The following TM7SF2 variants were observed in gnomAD, a reference collection of about 807,000 sequenced individuals.
The protein encoded by TM7SF2 is delta(14)-sterol reductase TM7SF2.
Under a neutral mutation model 51.0 loss-of-function variants are expected in TM7SF2, and 51 were observed. The observed-to-expected ratio is 1.00, with a 90% confidence interval of 0.80 to 1.26. The LOEUF (loss-of-function observed/expected upper bound fraction) is 1.26. Ranked by LOEUF, TM7SF2 falls within the 50% of genes most tolerant of loss-of-function variation. TM7SF2 has a pLI of 0.00. For synonymous variants in TM7SF2, 255 were observed against 241.0 expected (o/e 1.06, Z -0.54); for missense variants, 541 against 547.4 (o/e 0.99, Z 0.12).
Position 65,111,912 on chromosome 11 carries a change from C to G in TM7SF2, c.-104C>G. ...CCAGGCAGGTGCAGGCGCCGCGGGG[C>G]CGGATCCTCCGCGCGGCCGAGTCCA... is the stretch of plus-strand genomic sequence containing the variant. On this transcript the variant is annotated 5_prime_UTR_variant, in exon 1 of 10. Coordinates refer to ENST00000279263, the MANE Select transcript of TM7SF2 (RefSeq NM_003273.6). 1 of 1,310,856 alleles carries G rather than the reference C, an allele frequency of 7.6e-7. No individual in the cohort carries two copies. Among genetic ancestry groups the G allele is most frequent in the South Asian group, 1.3e-5 (1 of 79,074 alleles). The allele number at this position is 1,310,856 out of a possible 1,614,324, so 81.2% of individuals were successfully genotyped here.
chr11:65,114,869 C>T, intron 6 of TM7SF2, 37 bp downstream of exon 6: 1 of 1,614,134 alleles, frequency 6.2e-7, no homozygotes, highest in Non-Finnish European at 8.5e-7. Context: ...TGTCTGAGGG[C>T]CGCATAGGGA....
At position 65,114,714 on chromosome 11, in the gene TM7SF2, T is replaced by TC; in HGVS notation, c.607dup (p.Leu203ProfsTer34). Reference sequence around the variant, plus strand: ...TATTGCCTTGTTCCCTCTCCCCAGGTCCTCATCAACCTGGCCCTGTTGATG... The same window carrying TC: ...TATTGCCTTGTTCCCTCTCCCCAGGTCCCTCATCAACCTGGCCCTGTTGATG... On this transcript the variant is annotated frameshift_variant and splice_region_variant, in exon 6 of 10. Coordinates refer to ENST00000279263, the MANE Select transcript of TM7SF2 (RefSeq NM_003273.6). LOFTEE classifies it high-confidence loss of function. The TC allele has an allele frequency of 6.2e-7, 1 of 1,613,870 alleles. No homozygotes were observed. The highest frequency in any genetic ancestry group is 1.7e-5 in the Admixed American group (1 of 60,006).
chr11:65,112,380 G>C (rs1318656245), intron 1 of TM7SF2, 135 bp from the exon 2 acceptor site: 14 of 1,027,540 alleles, frequency 1.4e-5, no homozygotes, highest in Non-Finnish European at 1.9e-5. Flanking sequence ...TGGGGGCCGA[G>C]GGCTGAGGAC....
rs1438616402 is a variant in TM7SF2 at position 65,112,689 on chromosome 11, TCTAC to T, written c.232_235del (p.Leu78CysfsTer12). The T allele has an allele frequency of 5.2e-6, 8 of 1,540,460 alleles. No homozygotes were observed. The highest frequency in any genetic ancestry group is 7.0e-6 in the Non-Finnish European group (8 of 1,144,850). Reference sequence around the variant, plus strand: ...GCCTGGCTCGGCCTGCAGGCGGCGCTCTACCTACTGCCGGCGCGCAAGGTGCGGG... The same window carrying T: ...GCCTGGCTCGGCCTGCAGGCGGCGCTCTACTGCCGGCGCGCAAGGTGCGGG... On this transcript the variant is annotated frameshift_variant, in exon 2 of 10. Coordinates refer to ENST00000279263, the MANE Select transcript of TM7SF2 (RefSeq NM_003273.6). LOFTEE classifies it high-confidence loss of function.
rs1947982058 is a variant in TM7SF2 at position 65,116,152 on chromosome 11, C to A, written c.*99C>A. 1.4e-6 allele frequency: 2 copies of A among 1,431,206 alleles called. No individual in the cohort carries two copies. Among genetic ancestry groups the A allele is most frequent in the Non-Finnish European group, 1.9e-6 (2 of 1,067,674 alleles). The allele number at this position is 1,431,206 out of a possible 1,614,324, so 88.7% of individuals were successfully genotyped here. On this transcript the variant is annotated 3_prime_UTR_variant, in exon 10 of 10. Coordinates refer to ENST00000279263, the MANE Select transcript of TM7SF2 (RefSeq NM_003273.6). ...ACACTTGGGACTCAAGGGCTTGCACCCCACCCAGCCCTGAGGATGAACAAC... is the reference window on the plus strand; with the variant it reads ...ACACTTGGGACTCAAGGGCTTGCACACCACCCAGCCCTGAGGATGAACAAC...
In TM7SF2 at chr11:65,112,582, C is replaced by T; in HGVS notation, c.120C>T (p.Gly40=). Reference sequence around the variant, plus strand: ...ACCTGCTCCTGGCGGCCCGTTCGGGCCCCGCGCGCCTGCTGGGTCCACCCG... The same window carrying T: ...ACCTGCTCCTGGCGGCCCGTTCGGGTCCCGCGCGCCTGCTGGGTCCACCCG... The part of the protein sequence containing the change: ...MFHLLLAARS[G]PARLLGPPAS... The change falls in exon 2 of 10, where the codon GGC becomes GGT. Residue 40 remains glycine, a synonymous_variant. Transcript: ENST00000279263. The T allele has an allele frequency of 6.6e-7, 1 of 1,520,306 alleles. No individual in the cohort carries two copies. The highest frequency in any genetic ancestry group is 1.2e-5 in the South Asian group (1 of 82,444). 94.2% of individuals were successfully genotyped at this position (1,520,306 alleles called of 1,614,324 possible).
At position 65,114,966 on chromosome 11, in the gene TM7SF2, G is replaced by A; in HGVS notation, c.777G>A (p.Leu259=). Residue 259 remains leucine, a synonymous_variant, in exon 7 of 10, where the codon CTG becomes CTA. Coordinates refer to ENST00000279263, the MANE Select transcript of TM7SF2 (RefSeq NM_003273.6). ...DITHDGFGFM[L]AFGDMAWVPF... ...CACATGACGGGTTTGGCTTCATGCTGGCGTTTGGGGACATGGCCTGGGTGC... is the reference window on the plus strand; with the variant it reads ...CACATGACGGGTTTGGCTTCATGCTAGCGTTTGGGGACATGGCCTGGGTGC... 6.2e-7 allele frequency: 1 copy of A among 1,614,224 alleles called. No individual in the cohort carries two copies. The highest frequency in any genetic ancestry group is 8.5e-7 in the Non-Finnish European group (1 of 1,180,034).
In TM7SF2 at chr11:65,115,955, G is replaced by C. The variant is rs1947977341; in HGVS notation, c.1159G>C (p.Glu387Gln). 6.2e-7 allele frequency: 1 copy of C among 1,614,006 alleles called. No individual in the cohort carries two copies. Among genetic ancestry groups the C allele is most frequent in the Non-Finnish European group, 8.5e-7 (1 of 1,180,026 alleles). ...LYFTALLVHR[E>Q]ARDERQCLQK... is the part of the protein sequence containing the mutation. ...CTTCACCGCGCTGCTGGTGCACCGT[G>C]AGGCCCGGGATGAGCGGCAGTGCCT... Residue 387 changes from glutamate (E) to glutamine (Q), a missense_variant, in exon 10 of 10, where the codon GAG (glutamate) becomes CAG (glutamine). Physicochemically the swap from Glu to Gln is conservative, Grantham distance 29. Transcript: ENST00000279263.
intron 5 of TM7SF2, chr11:65,113,854 C>G (rs1416682556): frequency 3.8e-6 from 2 of 521,742 alleles, no homozygotes; most frequent in African/African-American, 3.8e-5. Flanking sequence ...TACAGCATGT[C>G]AGGGATGACG....
chr11:65,114,943 C>T lies in TM7SF2; in HGVS notation c.754C>T (p.His252Tyr), dbSNP rs758049533. 1 of 1,614,254 alleles carries T rather than the reference C, an allele frequency of 6.2e-7. No homozygotes were observed. The highest frequency in any genetic ancestry group is 2.2e-5 in the East Asian group (1 of 44,890). Residue 252 changes from histidine to tyrosine, a missense_variant, in exon 7 of 10, where the codon CAT becomes TAT. By Grantham distance (83) the His-to-Tyr change is moderately conservative. Coordinates refer to ENST00000279263, the MANE Select transcript of TM7SF2 (RefSeq NM_003273.6). The part of the protein sequence containing the change: ...EAVLTTMDIT[H>Y]DGFGFMLAFG... ...CGTCCTCACCACCATGGATATCACA[C>T]ATGACGGGTTTGGCTTCATGCTGGC...
In TM7SF2 at chr11:65,113,287, G is replaced by A. The variant is rs1255535008; in HGVS notation, c.372G>A (p.Gly124=). ...GLGMSAGLPL[G]ALPEMLLPLA... ...GGATGTCAGCGGGGCTGCCTCTGGG[G>A]GCGCTCCCGGAAATGCTCCTGCCCT... The change falls in exon 4 of 10, where the codon GGG becomes GGA. Residue 124 remains glycine (G), a synonymous_variant. Transcript: ENST00000279263. The A allele has an allele frequency of 1.9e-6, 3 of 1,611,168 alleles. No homozygotes were observed. Among genetic ancestry groups the A allele is most frequent in the African/African-American group, 2.7e-5 (2 of 74,926 alleles).
Position 65,113,327 on chromosome 11 carries a change from A to T in TM7SF2, c.412A>T (p.Thr138Ser). Residue 138 changes from threonine to serine, a missense_variant, in exon 4 of 10, where the codon ACC becomes TCC. Coordinates refer to ENST00000279263, the MANE Select transcript of TM7SF2 (RefSeq NM_003273.6). Reference protein sequence around the residue: ...EMLLPLAFVATLTAFIFSLFL... With the variant: ...EMLLPLAFVASLTAFIFSLFL... The stretch of plus-strand genomic sequence containing the variant: ...GCTCCTGCCCTTGGCGTTTGTCGCC[A>T]CCCTCACCGCTTTCATCTTCAGCCT... 3.7e-6 allele frequency: 6 copies of T among 1,613,684 alleles called. No homozygotes were observed. Among genetic ancestry groups the T allele is most frequent in the Non-Finnish European group, 5.1e-6 (6 of 1,179,998 alleles).
At chr11:65,114,283 C>T (rs1038059460) in intron 5 of TM7SF2, among the ~76,000 whole-genome samples, 9 of 147,028 alleles carry the variant, frequency 6.1e-5, no homozygotes, top group African/African-American at 1.7e-4. Flanking sequence ...CAAATGCAGG[C>T]GCCCAGCACA....
chr11:65,113,262 G>T lies in TM7SF2; in HGVS notation c.347G>T (p.Gly116Val). ...LVLTALLVGL[G>V]MSAGLPLGAL... ...CTGACAGCCCTGTTGGTGGGGCTGG[G>T]GATGTCAGCGGGGCTGCCTCTGGGG... The change falls in exon 4 of 10, where the codon GGG (glycine) becomes GTG (valine). Residue 116 changes from glycine to valine, a missense_variant. Transcript: ENST00000279263. 6.2e-7 allele frequency: 1 copy of T among 1,607,414 alleles called. No homozygotes were observed. The highest frequency in any genetic ancestry group is 8.5e-7 in the Non-Finnish European group (1 of 1,179,910).
At chr11:65,113,068 C>T in intron 3 of TM7SF2, 152 bp from the exon 4 acceptor site, 1 of 1,050,488 alleles carries the variant, frequency 9.5e-7, no homozygotes, top group Non-Finnish European at 1.3e-6. Context: ...TGCACCACAG[C>T]AGTGGCTGGG....
In TM7SF2 at chr11:65,112,594, G is replaced by A. The variant is rs1228143890; in HGVS notation, c.132G>A (p.Leu44=). 2 of 1,517,988 alleles carry A rather than the reference G, an allele frequency of 1.3e-6. No individual in the cohort carries two copies. Among genetic ancestry groups the A allele is most frequent in the East Asian group, 2.7e-5 (1 of 37,676 alleles). 94.0% of individuals were successfully genotyped at this position (1,517,988 alleles called of 1,614,324 possible). The change falls in exon 2 of 10, where the codon CTG becomes CTA. Residue 44 remains leucine, a synonymous_variant. Coordinates refer to ENST00000279263, the MANE Select transcript of TM7SF2 (RefSeq NM_003273.6). The part of the protein sequence containing the change: ...LLAARSGPAR[L]LGPPASLPGL... ...CGGCCCGTTCGGGCCCCGCGCGCCT[G>A]CTGGGTCCACCCGCGTCCCTGCCGG...
Position 65,115,588 on chromosome 11 carries a change from C to G in TM7SF2, c.1086C>G (p.Ser362=). 1.2e-6 allele frequency: 2 copies of G among 1,614,034 alleles called. No individual in the cohort carries two copies. The highest frequency in any genetic ancestry group is 8.5e-7 in the Non-Finnish European group (1 of 1,180,010). ...LGDLIMALAW[S]LPCGVSHLLP... is the part of the protein sequence containing the mutation. ...ACCTCATCATGGCTCTGGCTTGGTC[C>G]TTGCCCTGCGGTGAGTGGCCCATGT... Residue 362 remains serine, a synonymous_variant, in exon 9 of 10, where the codon TCC becomes TCG. Transcript: ENST00000279263.
chr11:65,112,089 A>G (rs756589080), intron 1 of TM7SF2, 22 bp downstream of exon 1: 2 of 1,588,866 alleles, frequency 1.3e-6, no homozygotes, highest in South Asian at 2.3e-5. Context: ...GAGAGATGGG[A>G]CCTGGGGCAA....
At chr11:65,115,119 C>T (rs1947960393) in intron 7 of TM7SF2, 38 bp downstream of exon 7, 1 of 1,606,622 alleles carries the variant, frequency 6.2e-7, no homozygotes. Context: ...GCCCATCTTC[C>T]CCCTATCCCT....
Sources: allele counts gnomAD v4.1 joint callset (sites outside exome capture counted in the v4.1 genomes callset), GRCh38; gene constraint gnomAD v4.1.1; transcripts MANE v1.5; gene names NCBI Gene and HGNC (gene_info 2026-07-23, HGNC 2026-07-21).